Variants in FLNB observed in about 807,000 individuals in gnomAD.
The protein encoded by FLNB is filamin B.
In FLNB, 111 loss-of-function variants were observed where a neutral mutation model predicts 250.6. The observed-to-expected ratio is 0.44, with a 90% confidence interval of 0.38 to 0.52. The LOEUF (loss-of-function observed/expected upper bound fraction) is 0.52. FLNB is among the 20% of genes least tolerant of loss of function. The probability of loss-of-function intolerance (pLI) is 0.00; values close to 1 mark genes in which losing one functional copy is unlikely to be tolerated. For missense variants in FLNB, 2,869 were observed against 3,447.8 expected (o/e 0.83, Z 4.20); for synonymous variants, 1,302 against 1,372.1 (o/e 0.95, Z 1.13).
chr3:58,118,635 A>G (rs1375783995), intron 18 of FLNB, among the ~76,000 whole-genome samples: 4 of 152,232 alleles, frequency 2.6e-5, no homozygotes, highest in Non-Finnish European at 5.9e-5. Context: ...CTTGGTGTGT[A>G]GAAAATGCTC....
At chr3:58,107,713 A>C (rs1353927368) in intron 12 of FLNB, among the ~76,000 whole-genome samples, 2 of 152,236 alleles carry the variant, frequency 1.3e-5, no homozygotes, top group Non-Finnish European at 2.9e-5. Context: ...GCTGATAAGC[A>C]TCAAGTCTGA....
intron 1 of FLNB, among the ~76,000 whole-genome samples, chr3:58,040,651 T>G (rs1223700020): frequency 6.6e-6 from 1 of 152,142 alleles, no homozygotes; most frequent in South Asian, 2.1e-4. Flanking sequence ...CATCCTGCCA[T>G]GCCTGGCTAA....
chr3:58,051,999 G>A (rs982030817), intron 1 of FLNB, among the ~76,000 whole-genome samples: 2 of 152,074 alleles, frequency 1.3e-5, no homozygotes, highest in East Asian at 1.9e-4. Flanking sequence ...TGATTCTCGT[G>A]CCTCAGCCTC....
At position 58,164,104 on chromosome 3, in the gene FLNB, G is replaced by A. The variant is rs758208560; in HGVS notation, c.7198+774G>A. The stretch of plus-strand genomic sequence containing the variant: ...GGTTCATTAGACAAGCAGACACAGA[G>A]TTTTGCTTTTGTCTTACAGAAAGAA... On this transcript the variant is annotated intron_variant, in intron 43 of 45. Coordinates refer to ENST00000295956, the MANE Select transcript of FLNB (RefSeq NM_001457.4). The surrounding 1 kb of genome is among the most constrained non-coding windows in gnomAD (Gnocchi z 4.0). The A allele has an allele frequency of 5.2e-5, 8 of 152,418 alleles. No homozygotes were observed. The highest frequency in any genetic ancestry group is 1.2e-4 in the Non-Finnish European group (8 of 68,110). The allele number at this position is 152,418 out of a possible 1,614,324, so 9.4% of individuals were successfully genotyped here. A position where few individuals can be genotyped will look rare whatever the true frequency, so the allele number is the denominator to read the frequency against.
chr3:58,040,214 C>T lies in FLNB; in HGVS notation c.292+31358C>T, dbSNP rs548804846. Among the ~76,000 whole-genome samples, 54 of 152,242 alleles carry T rather than the reference C, an allele frequency of 3.5e-4. 1 individual carries two copies. The South Asian group carries it at 0.011, about 30-fold the overall frequency. On this transcript the variant is annotated intron_variant, in intron 1 of 45. Coordinates refer to ENST00000295956, the MANE Select transcript of FLNB (RefSeq NM_001457.4). ...AGCGCTGGCCTCTCAGGTTCTCTTGCGGGATTAGTGTTTGTTGAATAATAA... is the reference window on the plus strand; with the variant it reads ...AGCGCTGGCCTCTCAGGTTCTCTTGTGGGATTAGTGTTTGTTGAATAATAA...
At chr3:58,166,853 C>T (rs931027604) in intron 43 of FLNB, among the ~76,000 whole-genome samples, 1 of 149,926 alleles carries the variant, frequency 6.7e-6, no homozygotes, top group African/African-American at 2.5e-5. Flanking sequence ...AGGCCGGGTG[C>T]GTTGGCTCAT....
At position 58,134,676 on chromosome 3, in the gene FLNB, C is replaced by T. The variant is rs374902997; in HGVS notation, c.4575C>T (p.Pro1525=). Residue 1525 remains proline (P), a synonymous_variant, in exon 27 of 46, where the codon CCC becomes CCT. Coordinates refer to ENST00000295956, the MANE Select transcript of FLNB (RefSeq NM_001457.4). The part of the protein sequence containing the change: ...YDASKVTASG[P]GLSSYGVPAS... ...CCAGCAAAGTGACTGCCAGTGGCCC[C>T]GGCCTTAGTTCCTATGGTGTGCCTG... 4.9e-5 allele frequency: 79 copies of T among 1,614,156 alleles called. No individual in the cohort carries two copies. The highest frequency in any genetic ancestry group is 4.5e-4 in the East Asian group (20 of 44,880).
chr3:58,133,591 G>C (rs759484461), intron 26 of FLNB, among the ~76,000 whole-genome samples: 2 of 151,798 alleles, frequency 1.3e-5, no homozygotes, highest in Non-Finnish European at 2.9e-5. Flanking sequence ...CTTTACTTCA[G>C]GGTTTGCTTG....
chr3:58,136,047 C>T lies in FLNB; in HGVS notation c.4740C>T (p.Tyr1580=), dbSNP rs1053787181. ...DNKDGTYAVT[Y]IPDKTGRYMI... ...AAGATGGCACGTATGCTGTCACCTA[C>T]ATCCCCGACAAGACTGGGCGCTATA... is the stretch of plus-strand genomic sequence containing the variant. Residue 1580 remains tyrosine (Y), a synonymous_variant, in exon 28 of 46, where the codon TAC becomes TAT. Coordinates refer to ENST00000295956, the MANE Select transcript of FLNB (RefSeq NM_001457.4). The T allele has an allele frequency of 1.2e-6, 2 of 1,614,240 alleles. No individual in the cohort carries two copies. Among genetic ancestry groups the T allele is most frequent in the South Asian group, 1.1e-5 (1 of 91,088 alleles).
chr3:58,066,598 A>T (rs2097186062), intron 1 of FLNB, among the ~76,000 whole-genome samples: 1 of 152,198 alleles, frequency 6.6e-6, no homozygotes, highest in African/African-American at 2.4e-5. Context: ...CCAGTGCTAG[A>T]AAGTGGTAAG....
intron 12 of FLNB, among the ~76,000 whole-genome samples, chr3:58,107,332 C>G (rs894100905): frequency 4.6e-5 from 7 of 152,176 alleles, no homozygotes; most frequent in African/African-American, 1.7e-4. Flanking sequence ...ACACCCAGCC[C>G]AGGCCTACAT....
At position 58,045,264 on chromosome 3, in the gene FLNB, A is replaced by G. The variant is rs567269643; in HGVS notation, c.293-31782A>G. Reference sequence around the variant, plus strand: ...GGACAGTTTCATAAAAATCCTCACCATGATCAGTTTGAAAATGACGTTCCC... The same window carrying G: ...GGACAGTTTCATAAAAATCCTCACCGTGATCAGTTTGAAAATGACGTTCCC... On this transcript the variant is annotated intron_variant, in intron 1 of 45. Coordinates refer to ENST00000295956, the MANE Select transcript of FLNB (RefSeq NM_001457.4). 6.0e-4 allele frequency among the ~76,000 whole-genome samples: 92 copies of G among 152,262 alleles called. No homozygotes were observed. The South Asian group carries it at 0.018, about 31-fold the overall frequency.
chr3:58,141,821 T>C (rs768774846), intron 29 of FLNB, 37 bp from the exon 30 acceptor site: 4 of 1,591,022 alleles, frequency 2.5e-6, no homozygotes, highest in Non-Finnish European at 3.5e-6. Context: ...ATCCTTCCAG[T>C]ATGGTTCCCA....
Position 58,153,495 on chromosome 3 carries a change from G to A in FLNB, c.6488G>A (p.Gly2163Asp), listed in dbSNP as rs914419791. The stretch of plus-strand genomic sequence containing the variant: ...GTCCGGTTTGTGCCCCAGGAGATGG[G>A]CGTGCACACGGTCAGCGTCAAGTAC... ...HCVRFVPQEM[G>D]VHTVSVKYRG... The change falls in exon 39 of 46, where the codon GGC becomes GAC. Residue 2163 changes from glycine (G) to aspartate (D), a missense_variant. By Grantham distance (94) the Gly-to-Asp change is moderately conservative. Coordinates refer to ENST00000295956, the MANE Select transcript of FLNB (RefSeq NM_001457.4). 4 of 1,614,228 alleles carry A rather than the reference G, an allele frequency of 2.5e-6. No individual in the cohort carries two copies. Among genetic ancestry groups the A allele is most frequent in the South Asian group, 2.2e-5 (2 of 91,088 alleles).
At chr3:58,115,416 C>T (rs932944783) in intron 18 of FLNB, among the ~76,000 whole-genome samples, 7 of 152,126 alleles carry the variant, frequency 4.6e-5, no homozygotes, top group African/African-American at 1.2e-4. Context: ...TTGGCTGAGC[C>T]GTTAGAAAGT....
intron 1 of FLNB, among the ~76,000 whole-genome samples, chr3:58,065,150 G>A (rs1212401002): frequency 2.0e-5 from 3 of 152,198 alleles, no homozygotes; most frequent in Admixed American, 6.5e-5. Flanking sequence ...GTGTTTATAT[G>A]GTTCATACGC....
chr3:58,018,033 A>G (rs1317819197), intron 1 of FLNB, among the ~76,000 whole-genome samples: 1 of 152,184 alleles, frequency 6.6e-6, no homozygotes, highest in East Asian at 1.9e-4. Flanking sequence ...AAGAATACAT[A>G]CAAATAATGC....
At chr3:58,027,213 C>T (rs1352578319) in intron 1 of FLNB, among the ~76,000 whole-genome samples, 1 of 151,710 alleles carries the variant, frequency 6.6e-6, no homozygotes, top group African/African-American at 2.4e-5. Context: ...AGTGCAGTGG[C>T]GCGATCTCGG....
chr3:58,053,305 G>T (rs2097165406), intron 1 of FLNB, among the ~76,000 whole-genome samples: 1 of 152,186 alleles, frequency 6.6e-6, no homozygotes, highest in East Asian at 1.9e-4. Context: ...TGCCTCAGCT[G>T]CCTGAATAGC....
Sources: allele counts gnomAD v4.1 joint callset (sites outside exome capture counted in the v4.1 genomes callset), GRCh38; gene constraint gnomAD v4.1.1; non-coding constraint Gnocchi (gnomAD v3.1); transcripts MANE v1.5; gene names NCBI Gene and HGNC (gene_info 2026-07-23, HGNC 2026-07-21).